Variants in PARD3 observed in about 807,000 individuals in gnomAD.
The protein encoded by PARD3 is par-3 family cell polarity regulator, also known as partitioning defective 3 homolog.
Under a neutral mutation model 155.4 loss-of-function variants are expected in PARD3, and 75 were observed. The ratio of observed to expected loss-of-function variants is 0.48; its 90% CI spans 0.40 to 0.58. PARD3 has a LOEUF of 0.58. Among genes scored for constraint, PARD3 ranks in the 20% least tolerant of loss-of-function variants. The pLI is 0.00. For synonymous variants in PARD3, 576 were observed against 610.5 expected (o/e 0.94, Z 0.83); for missense variants, 1,642 against 1,721.7 (o/e 0.95, Z 0.82).
chr10:34,231,640 C>CT (rs111669979), intron 22 of PARD3, among the ~76,000 whole-genome samples: 25 of 149,846 alleles, frequency 1.7e-4, no homozygotes, highest in Admixed American at 3.3e-4. Flanking sequence ...AAATCTTCAT[C>CT]TTTTTTTTTT....
chr10:34,663,490 C>A (rs1374972907), intron 2 of PARD3, among the ~76,000 whole-genome samples: 1 of 151,982 alleles, frequency 6.6e-6, no homozygotes, highest in African/African-American at 2.4e-5. Flanking sequence ...GGTAGATATC[C>A]CACTTAATCT....
At chr10:34,264,957 C>T (rs1564530945) in intron 22 of PARD3, among the ~76,000 whole-genome samples, 1 of 152,080 alleles carries the variant, frequency 6.6e-6, no homozygotes, top group Non-Finnish European at 1.5e-5. Flanking sequence ...CACTTTGTTG[C>T]CTAGGCTGGT....
rs2090352370 is a variant in PARD3 at position 34,605,933 on chromosome 10, A to ATATATATCTCC, written c.223-88775_223-88774insGGAGATATATA. 1.6e-4 allele frequency among the ~76,000 whole-genome samples: 10 copies of ATATATATCTCC among 61,252 alleles called. 2 individuals are homozygous for ATATATATCTCC. The highest frequency in any genetic ancestry group is 7.7e-4 in the African/African-American group (10 of 12,918). The allele number at this position is 61,252 out of a possible 152,430, so 40.2% of individuals were successfully genotyped here. ...TATATCTCCTATATATATATCTCCT[A>ATATATATCTCC]TATATATATATCTCCTATATATATA... On this transcript the variant is annotated intron_variant, in intron 2 of 24. Transcript: ENST00000374788.
chr10:34,609,679 G>C (rs1357636750), intron 2 of PARD3, among the ~76,000 whole-genome samples: 1 of 152,054 alleles, frequency 6.6e-6, no homozygotes, highest in Non-Finnish European at 1.5e-5. Context: ...AGTAGCTAGG[G>C]CTATCTAGCC....
intron 22 of PARD3, among the ~76,000 whole-genome samples, chr10:34,262,730 C>A (rs1446688314): frequency 1.3e-5 from 2 of 152,132 alleles, no homozygotes; most frequent in African/African-American, 4.8e-5. Context: ...TGAAAGCAAA[C>A]CATGAGGAAC....
rs1382987377 is a variant in PARD3 at position 34,131,557 on chromosome 10, T to C, written c.3446A>G (p.Asp1149Gly). The change falls in exon 23 of 25, where the codon GAT becomes GGT. Residue 1149 changes from aspartate (D) to glycine (G), a missense_variant. Asp to Gly is a moderately conservative substitution (Grantham distance 94, BLOSUM62 -1). This residue lies in a region of PARD3 where 1,529 missense variants were observed against 1,587.3 expected (regional missense o/e 0.96). Transcript: ENST00000374788. ...TTCTTGCCTCAGACGCTGTATCCGA[T>C]CATGATTGCTAGGAGTTGATCTGTT... ...DSNRSTPSNH[D>G]RIQRLRQEFQ... 6.2e-7 allele frequency: 1 copy of C among 1,613,650 alleles called. No homozygotes were observed. Among genetic ancestry groups the C allele is most frequent in the African/African-American group, 1.3e-5 (1 of 74,924 alleles).
At chr10:34,146,918 A>G (rs1433025488) in intron 22 of PARD3, among the ~76,000 whole-genome samples, 2 of 152,168 alleles carry the variant, frequency 1.3e-5, no homozygotes, top group Non-Finnish European at 2.9e-5. Flanking sequence ...GATACAAGTA[A>G]ACTGAACCTG....
At chr10:34,432,635 A>C (rs776192030) in intron 5 of PARD3, among the ~76,000 whole-genome samples, 1 of 152,160 alleles carries the variant, frequency 6.6e-6, no homozygotes, top group African/African-American at 2.4e-5. Context: ...TGAGGTTCAG[A>C]ACTGGCAGTT....
chr10:34,432,842 A>C (rs1246470303), intron 5 of PARD3, among the ~76,000 whole-genome samples: 1 of 152,194 alleles, frequency 6.6e-6, no homozygotes, highest in Non-Finnish European at 1.5e-5. Context: ...TCACCAAGGA[A>C]GAGCATGTAA....
chr10:34,224,501 G>C (rs1201144518), intron 22 of PARD3, among the ~76,000 whole-genome samples: 2 of 152,200 alleles, frequency 1.3e-5, no homozygotes, highest in Admixed American at 6.5e-5. Flanking sequence ...GGAGAAAGGA[G>C]ACTAGATTCT....
chr10:34,435,654 G>C (rs1210473592), intron 5 of PARD3, among the ~76,000 whole-genome samples: 1 of 152,142 alleles, frequency 6.6e-6, no homozygotes, highest in East Asian at 1.9e-4. Flanking sequence ...TTTACGTTTG[G>C]CAAGAAGACC....
At chr10:34,278,810 C>T (rs1397288389) in intron 21 of PARD3, among the ~76,000 whole-genome samples, 1 of 152,186 alleles carries the variant, frequency 6.6e-6, no homozygotes, top group Non-Finnish European at 1.5e-5. Context: ...AATATACTGT[C>T]TGATACACTT....
chr10:34,689,284 G>A (rs926202480), intron 2 of PARD3, among the ~76,000 whole-genome samples: 3 of 152,154 alleles, frequency 2.0e-5, no homozygotes, highest in Non-Finnish European at 4.4e-5. Context: ...CCGTGCGACC[G>A]ACTGCATCAC....
chr10:34,694,610 A>G (rs1181762360), intron 2 of PARD3, among the ~76,000 whole-genome samples: 3 of 151,222 alleles, frequency 2.0e-5, no homozygotes, highest in Non-Finnish European at 4.4e-5. Context: ...ATCTGGGACT[A>G]CAGGCACCCG....
At chr10:34,809,739 T>G (rs1564641720) in intron 1 of PARD3, among the ~76,000 whole-genome samples, 1 of 152,184 alleles carries the variant, frequency 6.6e-6, no homozygotes, top group Non-Finnish European at 1.5e-5. Context: ...GAGGACAATG[T>G]GACTTGAATT....
chr10:34,598,588 C>T (rs1016936818), intron 2 of PARD3, among the ~76,000 whole-genome samples: 12 of 152,048 alleles, frequency 7.9e-5, no homozygotes, highest in African/African-American at 2.9e-4. Context: ...GCTCTTTTTC[C>T]AAAACATTTA....
At chr10:34,375,857 C>A (rs913177539) in intron 10 of PARD3, among the ~76,000 whole-genome samples, 1 of 152,026 alleles carries the variant, frequency 6.6e-6, no homozygotes, top group Non-Finnish European at 1.5e-5. Flanking sequence ...AAAAAATCAA[C>A]CTCATATACC....
chr10:34,696,297 T>C (rs2094171743), intron 2 of PARD3, 21 bp downstream of exon 2: 1 of 1,444,380 alleles, frequency 6.9e-7, no homozygotes, highest in Non-Finnish European at 9.7e-7. Flanking sequence ...TCAGAACAGG[T>C]TCCCCAGGAC....
At chr10:34,571,078 G>C (rs1239405661) in intron 2 of PARD3, among the ~76,000 whole-genome samples, 1 of 152,168 alleles carries the variant, frequency 6.6e-6, no homozygotes, top group Non-Finnish European at 1.5e-5. Context: ...GGGAGGCTGA[G>C]GAGGGAAGGA....
Sources: allele counts gnomAD v4.1 joint callset (sites outside exome capture counted in the v4.1 genomes callset), GRCh38; gene constraint gnomAD v4.1.1; regional missense constraint gnomAD v4.1.1; transcripts MANE v1.5; gene names NCBI Gene and HGNC (gene_info 2026-07-23, HGNC 2026-07-21).